Variants in SLIT3 observed in about 807,000 individuals in gnomAD.
SLIT3 encodes the protein slit homolog 3 protein.
Under a neutral mutation model 184.0 loss-of-function variants are expected in SLIT3, and 68 were observed. That is an observed-to-expected ratio of 0.37 (90% confidence interval 0.30 to 0.45). The LOEUF is 0.45. Ranked by LOEUF, SLIT3 falls within the 20% of genes least tolerant of loss-of-function variation. The probability of loss-of-function intolerance (pLI) is 1.00; values close to 1 mark genes in which losing one functional copy is unlikely to be tolerated. For missense variants in SLIT3, 1,707 were observed against 2,026.0 expected, an observed-to-expected ratio of 0.84 and a Z score of 3.02; for synonymous variants, 831 against 828.6, an observed-to-expected ratio of 1.00 and a Z score of -0.05.
At chr5:168,810,471 C>T (rs1757124296) in intron 8 of SLIT3, among the ~76,000 whole-genome samples, 1 of 152,168 alleles carries the variant, frequency 6.6e-6, no homozygotes, top group African/African-American at 2.4e-5. Context: ...CTCTGCATGT[C>T]TTCATTTTTA....
At chr5:168,781,018 C>A (rs887704934) in intron 12 of SLIT3, among the ~76,000 whole-genome samples, 2 of 152,226 alleles carry the variant, frequency 1.3e-5, no homozygotes, top group African/African-American at 4.8e-5. Flanking sequence ...CTAGGGGCAA[C>A]AGTGGCTCTT....
chr5:169,179,287 T>TC (rs1561717954), intron 4 of SLIT3, among the ~76,000 whole-genome samples: 1 of 150,808 alleles, frequency 6.6e-6, no homozygotes, highest in Non-Finnish European at 1.5e-5. Context: ...TTTTTTTTTT[T>TC]TTTTTTTTCC....
intron 23 of SLIT3, chr5:168,718,185 G>A (rs1185690061): frequency 6.6e-6 from 1 of 151,806 alleles, no homozygotes; most frequent in African/African-American, 2.4e-5. Flanking sequence ...AGAGTTGCCT[G>A]GTAAGGGAGT....
Position 168,684,031 on chromosome 5 carries a change from C to G in SLIT3, c.3621G>C (p.Glu1207Asp). The change falls in exon 32 of 36, where the codon GAG (glutamate) becomes GAC (aspartate). Residue 1207 changes from glutamate (E) to aspartate (D), a missense_variant. Around this residue, in one of 3 missense-constraint regions of SLIT3, gnomAD observed 387 missense variants for 477.9 expected, o/e 0.81. Coordinates refer to ENST00000519560, the MANE Select transcript of SLIT3 (RefSeq NM_003062.4). ...CCAGCCGCACGTGGCCCTGGTACAG[C>G]TCCAGTGCCAGGGGGTCATTGTCTC... ...YKGDNDPLAL[E>D]LYQGHVRLVY... 6.2e-7 allele frequency: 1 copy of G among 1,607,848 alleles called. No individual in the cohort carries two copies.
At chr5:168,872,640 C>CTTCTTT (rs1554151402) in intron 5 of SLIT3, among the ~76,000 whole-genome samples, 11 of 112,428 alleles carry the variant, frequency 9.8e-5, no homozygotes, top group Non-Finnish European at 1.8e-4. Flanking sequence ...TCTTCTTCTT[C>CTTCTTT]TTTTTTTTTT....
At chr5:168,934,500 T>C (rs548609453) in intron 4 of SLIT3, among the ~76,000 whole-genome samples, 50 of 152,328 alleles carry the variant, frequency 3.3e-4, no homozygotes, top group African/African-American at 1.1e-3. Context: ...TCTTACAGTG[T>C]CTGCCTTCTG....
At chr5:168,844,329 A>G (rs574214006) in intron 6 of SLIT3, among the ~76,000 whole-genome samples, 24 of 152,288 alleles carry the variant, frequency 1.6e-4, no homozygotes, top group East Asian at 1.2e-3. Flanking sequence ...GAAAGACTCA[A>G]TTGAGACTTA....
chr5:168,966,990 A>G (rs1041227511), intron 4 of SLIT3, among the ~76,000 whole-genome samples: 1 of 152,206 alleles, frequency 6.6e-6, no homozygotes, highest in Non-Finnish European at 1.5e-5. Flanking sequence ...CCCCCCAAAA[A>G]TATATGTACA....
At chr5:169,257,854 C>T (rs970885008) in intron 1 of SLIT3, among the ~76,000 whole-genome samples, 7 of 151,970 alleles carry the variant, frequency 4.6e-5, no homozygotes, top group Non-Finnish European at 8.8e-5. Context: ...CATGCCCAGC[C>T]TTCCATGCTT....
At chr5:169,246,703 G>A (rs1293487672) in intron 2 of SLIT3, among the ~76,000 whole-genome samples, 2 of 152,000 alleles carry the variant, frequency 1.3e-5, no homozygotes, top group African/African-American at 2.4e-5. Context: ...GGTGGACCAG[G>A]AGGTCAGGAG....
chr5:169,086,731 A>G (rs1407432225), intron 4 of SLIT3, among the ~76,000 whole-genome samples: 1 of 152,348 alleles, frequency 6.6e-6, no homozygotes, highest in Non-Finnish European at 1.5e-5. Context: ...AAGAGTCTTA[A>G]GAATGCCCTT....
intron 4 of SLIT3, among the ~76,000 whole-genome samples, chr5:169,075,362 A>C (rs1758699694): frequency 6.6e-6 from 1 of 152,190 alleles, no homozygotes; most frequent in South Asian, 2.1e-4. Flanking sequence ...TAGGGAAATA[A>C]AGTGTCTGCA....
chr5:168,780,178 C>T (rs999411741), intron 12 of SLIT3, among the ~76,000 whole-genome samples: 1 of 152,258 alleles, frequency 6.6e-6, no homozygotes, highest in African/African-American at 2.4e-5. Flanking sequence ...CTGTGGAGGA[C>T]ATGGGTTATG....
At chr5:168,808,631 C>CT (rs1286818870) in intron 8 of SLIT3, among the ~76,000 whole-genome samples, 3 of 152,086 alleles carry the variant, frequency 2.0e-5, no homozygotes, top group East Asian at 1.9e-4. Context: ...TCTCTCTGAG[C>CT]TTTTTTTGGT....
chr5:168,905,578 T>C (rs572407722), intron 4 of SLIT3, among the ~76,000 whole-genome samples: 16 of 152,308 alleles, frequency 1.1e-4, no homozygotes, highest in African/African-American at 3.8e-4. Context: ...ATCTACAGTG[T>C]GCTCATCTCA....
chr5:168,760,672 A>G (rs150251619), intron 16 of SLIT3, among the ~76,000 whole-genome samples, 190 bp downstream of exon 16: 1 of 152,124 alleles, frequency 6.6e-6, no homozygotes, highest in Non-Finnish European at 1.5e-5. Flanking sequence ...AACTGAAACC[A>G]TGAAGCATCA....
intron 8 of SLIT3, among the ~76,000 whole-genome samples, chr5:168,816,663 T>C (rs1264594468): frequency 6.6e-6 from 1 of 152,242 alleles, no homozygotes; most frequent in Non-Finnish European, 1.5e-5. Context: ...CAAACTCTTA[T>C]GTTTGCTCAG....
At chr5:168,995,496 A>AT (rs1755479238) in intron 4 of SLIT3, 1 of 152,236 alleles carries the variant, frequency 6.6e-6, no homozygotes, top group Non-Finnish European at 1.5e-5. Flanking sequence ...CAGGTACTCA[A>AT]TGATTAAGTG....
chr5:169,123,099 A>G (rs1306822387), intron 4 of SLIT3, among the ~76,000 whole-genome samples: 1 of 149,038 alleles, frequency 6.7e-6, no homozygotes, highest in Non-Finnish European at 1.5e-5. Flanking sequence ...TGCATGGATT[A>G]AAAAAAAAAC....
Sources: allele counts gnomAD v4.1 joint callset (sites outside exome capture counted in the v4.1 genomes callset), GRCh38; gene constraint gnomAD v4.1.1; regional missense constraint gnomAD v4.1.1; transcripts MANE v1.5; gene names NCBI Gene and HGNC (gene_info 2026-07-23, HGNC 2026-07-21).